CTNNA2: variants seen among roughly 807,000 people sequenced by gnomAD.
CTNNA2 encodes the protein catenin alpha-2.
Under a neutral mutation model 101.0 loss-of-function variants are expected in CTNNA2, and 42 were observed. The ratio of observed to expected loss-of-function variants is 0.42; its 90% confidence interval spans 0.32 to 0.54. The LOEUF is 0.54. Among genes scored for constraint, CTNNA2 ranks in the 20% least tolerant of loss-of-function variants. The pLI, the probability that CTNNA2 is intolerant of heterozygous loss-of-function variation, is 0.14. For missense variants in CTNNA2, 871 were observed against 1,223.1 expected, an observed-to-expected ratio of 0.71 and a Z score of 4.29; for synonymous variants, 450 against 456.4, an observed-to-expected ratio of 0.99 and a Z score of 0.18.
intron 7 of CTNNA2, among the ~76,000 whole-genome samples, chr2:80,300,279 GGGGT>G (rs1401696174): frequency 0.026 from 3,386 of 128,030 alleles, 68 homozygotes; most frequent in African/African-American, 0.043. Context: ...CTGGGGTGTT[GGGGT>G]GTGTGTGTGT....
At chr2:80,354,834 C>T (rs1177885838) in intron 7 of CTNNA2, among the ~76,000 whole-genome samples, 1 of 152,088 alleles carries the variant, frequency 6.6e-6, no homozygotes, top group Non-Finnish European at 1.5e-5. Context: ...GGGTCTAGAT[C>T]GCCCTTGCTT....
At chr2:80,230,836 T>TG (rs1709167880) in intron 7 of CTNNA2, among the ~76,000 whole-genome samples, 1 of 152,230 alleles carries the variant, frequency 6.6e-6, no homozygotes, top group African/African-American at 2.4e-5. Context: ...CTTTTTATTC[T>TG]GTCAGCCAAT....
intron 1 of CTNNA2, among the ~76,000 whole-genome samples, chr2:79,635,790 C>A (rs1333130314): frequency 6.6e-6 from 1 of 151,436 alleles, no homozygotes; most frequent in Non-Finnish European, 1.5e-5. Flanking sequence ...AGGCATGAGC[C>A]ACCGTGCCCG....
intron 2 of CTNNA2, among the ~76,000 whole-genome samples, chr2:79,737,294 C>T (rs1028197106): frequency 1.3e-4 from 19 of 150,608 alleles, no homozygotes; most frequent in South Asian, 2.1e-4. Context: ...GGTTGCGGTG[C>T]GCCAAGATTG....
chr2:79,672,251 C>T (rs781269129), intron 2 of CTNNA2, among the ~76,000 whole-genome samples: 17 of 152,282 alleles, frequency 1.1e-4, no homozygotes, highest in Non-Finnish European at 2.1e-4. Flanking sequence ...TTTAATACAT[C>T]TGTTAGCCCT....
chr2:80,308,166 T>G (rs1677207586), intron 7 of CTNNA2, among the ~76,000 whole-genome samples: 1 of 152,276 alleles, frequency 6.6e-6, no homozygotes, highest in East Asian at 1.9e-4. Flanking sequence ...ATTTTTTTTT[T>G]GGTATGTCAT....
intron 3 of CTNNA2, among the ~76,000 whole-genome samples, chr2:79,850,990 A>G (rs1182988911): frequency 1.3e-5 from 2 of 152,196 alleles, no homozygotes; most frequent in Non-Finnish European, 2.9e-5. Flanking sequence ...ATCCCAGAAG[A>G]AGACATTCCT....
chr2:79,494,788 C>G lies in CTNNA2; in HGVS notation c.-134-10266C>G, dbSNP rs79161202. On this transcript the variant is annotated intron_variant, in intron 4 of 21. Coordinates refer to the CTNNA2 transcript ENST00000466387. ...AACATTAAAAGCACAAGTGACAAGA[C>G]CAAAAAAAAACCAGAATTTTTTTCA... Among the ~76,000 whole-genome samples the G allele has an allele frequency of 1.1e-4, 17 of 151,822 alleles. No individual in the cohort carries two copies. In the East Asian group the frequency reaches 3.3e-3, roughly 29 times the overall value.
intron 1 of CTNNA2, among the ~76,000 whole-genome samples, chr2:79,595,838 A>C (rs1046131549): frequency 6.6e-6 from 1 of 151,630 alleles, no homozygotes; most frequent in Non-Finnish European, 1.5e-5. Context: ...GTTTTGCTTA[A>C]ACTTTTTAGA....
chr2:80,009,562 T>C (rs1319790084), intron 7 of CTNNA2, among the ~76,000 whole-genome samples: 1 of 152,142 alleles, frequency 6.6e-6, no homozygotes, highest in Non-Finnish European at 1.5e-5. Context: ...CATGAAAATA[T>C]ATGCACATTC....
At chr2:80,182,643 A>G (rs942495028) in intron 7 of CTNNA2, among the ~76,000 whole-genome samples, 2 of 152,220 alleles carry the variant, frequency 1.3e-5, no homozygotes, top group African/African-American at 4.8e-5. Flanking sequence ...GGGTGGTGTG[A>G]TAGAAAATAA....
Position 79,900,575 on chromosome 2 carries a change from C to T in CTNNA2, c.853-9019C>T, listed in dbSNP as rs59944188. 2.3e-3 allele frequency among the ~76,000 whole-genome samples: 357 copies of T among 152,176 alleles called. 6 individuals carry two copies. Among genetic ancestry groups the T allele is most frequent in the African/African-American group, 8.3e-3 (344 of 41,504 alleles). On this transcript the variant is annotated intron_variant, in intron 6 of 18. Transcript: ENST00000402739. ...TTTCACCTGACCTATGGCATCGGTACCTGCGACTACATGGCTTTGCCCCCT... is the reference window on the plus strand; with the variant it reads ...TTTCACCTGACCTATGGCATCGGTATCTGCGACTACATGGCTTTGCCCCCT...
intron 7 of CTNNA2, among the ~76,000 whole-genome samples, chr2:79,926,492 A>G (rs1687029050): frequency 6.6e-6 from 1 of 152,082 alleles, no homozygotes; most frequent in South Asian, 2.1e-4. Flanking sequence ...CTTATCCTGT[A>G]ATGAAACATT....
chr2:79,541,742 TCA>T (rs10609011), intron 1 of CTNNA2, among the ~76,000 whole-genome samples: 71,031 of 151,136 alleles, frequency 0.47, 16,913 homozygotes, highest in Non-Finnish European at 0.51. Flanking sequence ...TTCTCCTGCC[TCA>T]GTTTCCTGAG....
intron 7 of CTNNA2, among the ~76,000 whole-genome samples, chr2:79,958,916 A>C (rs1689435647): frequency 6.6e-6 from 1 of 152,126 alleles, no homozygotes; most frequent in South Asian, 2.1e-4. Flanking sequence ...TAACCATGTT[A>C]CTTATGTAGG....
At chr2:80,253,781 AT>A (rs1302147223) in intron 7 of CTNNA2, among the ~76,000 whole-genome samples, 3 of 152,188 alleles carry the variant, frequency 2.0e-5, no homozygotes, top group Non-Finnish European at 4.4e-5. Context: ...ATCAAGAATT[AT>A]AGGATTCTAG....
At chr2:79,321,810 C>CAT (rs1017196479) in intron 3 of CTNNA2, among the ~76,000 whole-genome samples, 1 of 152,118 alleles carries the variant, frequency 6.6e-6, no homozygotes, top group African/African-American at 2.4e-5. Context: ...CACACACACA[C>CAT]ACACACACAA....
intron 18 of CTNNA2, among the ~76,000 whole-genome samples, chr2:80,640,108 AC>A (rs1357270425): frequency 2.0e-5 from 3 of 152,104 alleles, no homozygotes; most frequent in African/African-American, 7.2e-5. Flanking sequence ...TCAAAAAAAA[AC>A]AAAAAAACAA....
intron 7 of CTNNA2, among the ~76,000 whole-genome samples, chr2:79,910,821 A>G (rs1427705589): frequency 2.0e-5 from 3 of 152,200 alleles, no homozygotes; most frequent in African/African-American, 7.2e-5. Flanking sequence ...CATCATGAGT[A>G]AAAATATGTA....
Sources: gnomAD v4.1 joint callset for allele counts (sites outside exome capture counted in the v4.1 genomes callset) on GRCh38, gnomAD v4.1.1 for gene constraint, MANE v1.5 for transcripts, NCBI Gene and HGNC (gene_info 2026-07-23, HGNC 2026-07-21) for gene names.